Variants in ETV5 observed in about 807,000 individuals in gnomAD.
The protein encoded by ETV5 is ETS translocation variant 5.
Under a neutral mutation model 70.0 loss-of-function variants are expected in ETV5, and 10 were observed. That is an observed-to-expected ratio of 0.14 (90% CI 0.09 to 0.24). The LOEUF (loss-of-function observed/expected upper bound fraction) is 0.24, where lower values mean the gene tolerates loss of function less well. Among genes scored for constraint, ETV5 ranks in the 10% least tolerant of loss-of-function variants. The probability of loss-of-function intolerance (pLI) is 1.00; values close to 1 mark genes in which losing one functional copy is unlikely to be tolerated. For synonymous variants in ETV5, 216 were observed against 242.2 expected, an observed-to-expected ratio of 0.89 and a Z score of 1.01; for missense variants, 453 against 651.2, an observed-to-expected ratio of 0.70 and a Z score of 3.31.
Position 186,105,601 on chromosome 3 carries a change from C to A in ETV5, c.133+24G>T. 1 of 1,613,972 alleles carries A rather than the reference C, an allele frequency of 6.2e-7. No homozygotes were observed. The highest frequency in any genetic ancestry group is 1.1e-5 in the South Asian group (1 of 91,088). On this transcript the variant is annotated intron_variant, in intron 3 of 12. Transcript: ENST00000306376. This position sits in a 1 kb window ranked among gnomAD's most constrained non-coding sequence, Gnocchi z 4.5. ...GTCACTGGGAGCAGGGAAGCCACAA[C>A]ATAATCAGGGAAAGCTTTACTACCT...
chr3:186,056,955 A>G (rs1246169806), intron 11 of ETV5, 120 bp downstream of exon 11: 1 of 1,191,726 alleles, frequency 8.4e-7, no homozygotes, highest in East Asian at 2.5e-5. Context: ...TGGCCAGGCC[A>G]GAATATGAAT....
rs150395004 is a variant in ETV5, at chr3:186,067,349, T to C, written c.651-1277A>G. Among the ~76,000 whole-genome samples the C allele has an allele frequency of 4.1e-3, 624 of 152,334 alleles. 3 individuals are homozygous for C. The highest frequency in any genetic ancestry group is 0.014 in the African/African-American group (585 of 41,574). ...CTGGAGGCTGAGGCAGAAGAATCGC[T>C]TGAACCTGGGAGGCGGAGTTTGCTG... On this transcript the variant is annotated intron_variant, in intron 7 of 12. Transcript: ENST00000306376.
Position 186,054,352 on chromosome 3 carries a change from A to G in ETV5, c.1210-2221T>C, listed in dbSNP as rs1240931772. ...GATCTACCTATTCCTTCTCCCCTTTAAAGAGAGAGCAGCCACAGCCCAGGG... is the reference window on the plus strand; with the variant it reads ...GATCTACCTATTCCTTCTCCCCTTTGAAGAGAGAGCAGCCACAGCCCAGGG... On this transcript the variant is annotated intron_variant, in intron 11 of 12. Transcript: ENST00000306376. The surrounding 1 kb of genome is among the most constrained non-coding windows in gnomAD (Gnocchi z 4.4). 6.6e-6 allele frequency among the ~76,000 whole-genome samples: 1 copy of G among 152,122 alleles called. No individual in the cohort carries two copies. Among genetic ancestry groups the G allele is most frequent in the Non-Finnish European group, 1.5e-5 (1 of 68,012 alleles).
At chr3:186,077,849 C>A (rs77170541) in intron 7 of ETV5, 3,177 of 316,980 alleles carry the variant, frequency 0.01, 93 homozygotes, top group African/African-American at 0.064. Context: ...ACCTCAATTA[C>A]CTCAAGGATC....
intron 6 of ETV5, chr3:186,080,778 G>A (rs192325463): frequency 3.6e-6 from 1 of 274,070 alleles, no homozygotes; most frequent in African/African-American, 2.2e-5. Flanking sequence ...AGTATCCCAG[G>A]ATTGAGACTC....
Position 186,064,351 on chromosome 3 carries a change from C to T in ETV5, c.970+66G>A, listed in dbSNP as rs375088430. On this transcript the variant is annotated intron_variant, in intron 9 of 12. Transcript: ENST00000306376. ...GAAGGAAGGTAGGAGAAAGAAAAGC[C>T]GAGAGAAAGAAAGGAAGAAAGGAGA... 144 of 1,469,544 alleles carry T rather than the reference C, an allele frequency of 9.8e-5. 1 individual carries two copies. The African/African-American group carries it at 1.3e-3, about 13-fold the overall frequency. The allele number at this position is 1,469,544 out of a possible 1,614,324, so 91.0% of individuals were successfully genotyped here. A position where few individuals can be genotyped will look rare whatever the true frequency, so the allele number is the denominator to read the frequency against.
At chr3:186,088,566 A>G (rs1475175262) in intron 5 of ETV5, among the ~76,000 whole-genome samples, 2 of 152,210 alleles carry the variant, frequency 1.3e-5, no homozygotes, top group Admixed American at 1.3e-4. Flanking sequence ...AGGGGAGAGA[A>G]GTCCGAGACA....
intron 7 of ETV5, 99 bp downstream of exon 7, chr3:186,079,718 T>C: frequency 7.5e-7 from 1 of 1,331,182 alleles, no homozygotes; most frequent in Non-Finnish European, 1.0e-6. Flanking sequence ...GATAACTTTT[T>C]AGGAACCTGG....
intron 5 of ETV5, among the ~76,000 whole-genome samples, chr3:186,088,384 T>C (rs1016513027): frequency 6.6e-6 from 1 of 152,206 alleles, no homozygotes; most frequent in Non-Finnish European, 1.5e-5. Flanking sequence ...CAAATAGTAA[T>C]GGCCATACAC....
intron 11 of ETV5, among the ~76,000 whole-genome samples, chr3:186,056,206 G>A (rs1037431486): frequency 1.2e-4 from 18 of 152,160 alleles, no homozygotes; most frequent in Admixed American, 7.2e-4. Flanking sequence ...CAGTAACAGT[G>A]TTTTTTTCCT....
intron 9 of ETV5, among the ~76,000 whole-genome samples, chr3:186,062,889 T>C (rs1186209377): frequency 6.6e-6 from 1 of 152,220 alleles, no homozygotes; most frequent in African/African-American, 2.4e-5. Flanking sequence ...AGATTTAATT[T>C]TCATCTTTTT....
chr3:186,098,672 A>G (rs1429264757), intron 5 of ETV5, among the ~76,000 whole-genome samples: 1 of 152,140 alleles, frequency 6.6e-6, no homozygotes, highest in East Asian at 1.9e-4. Context: ...ATTTTTTCCA[A>G]ACCTTCAATA....
intron 5 of ETV5, among the ~76,000 whole-genome samples, chr3:186,084,481 ATTC>A (rs1714009276): frequency 6.6e-6 from 1 of 152,046 alleles, no homozygotes; most frequent in African/African-American, 2.4e-5. Context: ...TCATTCATTC[ATTC>A]ATTCATTCAT....
chr3:186,050,115 G>A (rs1712990425), intron 12 of ETV5, among the ~76,000 whole-genome samples: 1 of 152,076 alleles, frequency 6.6e-6, no homozygotes, highest in African/African-American at 2.4e-5. Context: ...TATTATTTCT[G>A]AAATATTTTC....
In ETV5 at chr3:186,075,377, TA is replaced by T. The variant is rs760149879; in HGVS notation, c.650+4439del. Among the ~76,000 whole-genome samples, 3 of 152,190 alleles carry T rather than the reference TA, an allele frequency of 2.0e-5. No individual in the cohort carries two copies. In the East Asian group the frequency reaches 5.8e-4, roughly 29 times the overall value. On this transcript the variant is annotated intron_variant, in intron 7 of 12. Transcript: ENST00000306376. Reference sequence around the variant, plus strand: ...ACTTACAGTCAAGTTCATTCCTCTCTAAAAATTATTGTACTACAAAATCTGA... The same window carrying T: ...ACTTACAGTCAAGTTCATTCCTCTCTAAAATTATTGTACTACAAAATCTGA...
chr3:186,075,993 G>A (rs558466593), intron 7 of ETV5, among the ~76,000 whole-genome samples: 1 of 152,254 alleles, frequency 6.6e-6, no homozygotes, highest in East Asian at 1.9e-4. Context: ...AGTACTATAG[G>A]AATATTTTTC....
At position 186,085,790 on chromosome 3, in the gene ETV5, G is replaced by A. The variant is rs1002948838; in HGVS notation, c.233-4615C>T. On this transcript the variant is annotated intron_variant, in intron 5 of 12. Coordinates refer to ENST00000306376, the MANE Select transcript of ETV5 (RefSeq NM_004454.3). ...CTCCCAAAGTGCTGGGATTACAGGC[G>A]TGAGCCACCGTACCCGGCAGCCTTC... 7.2e-5 allele frequency among the ~76,000 whole-genome samples: 11 copies of A among 152,232 alleles called. 1 individual carries two copies. The highest frequency in any genetic ancestry group is 4.1e-4 in the South Asian group (2 of 4,822).
chr3:186,078,306 G>A, intron 7 of ETV5: 1 of 564,688 alleles, frequency 1.8e-6, no homozygotes, highest in Non-Finnish European at 2.4e-6. Flanking sequence ...TTTGCTAAGA[G>A]TTTCAAATAC....
chr3:186,101,230 G>GT (rs1714449778), intron 5 of ETV5, among the ~76,000 whole-genome samples: 1 of 152,144 alleles, frequency 6.6e-6, no homozygotes, highest in Admixed American at 6.5e-5. Flanking sequence ...TATGTACACA[G>GT]TTTTATCTGT....
Sources: allele counts gnomAD v4.1 joint callset (sites outside exome capture counted in the v4.1 genomes callset), GRCh38; gene constraint gnomAD v4.1.1; non-coding constraint Gnocchi (gnomAD v3.1); transcripts MANE v1.5; gene names NCBI Gene and HGNC (gene_info 2026-07-23, HGNC 2026-07-21).